CLK1: variants seen among roughly 807,000 people sequenced by gnomAD.
The protein encoded by CLK1 is dual specificity protein kinase CLK1.
In CLK1, 40 loss-of-function variants were observed where a neutral mutation model predicts 60.9. The ratio of observed to expected loss-of-function variants is 0.66; its 90% CI spans 0.51 to 0.86. CLK1 has a LOEUF of 0.86. Among genes scored for constraint, CLK1 ranks in the 40% least tolerant of loss-of-function variants. The probability of loss-of-function intolerance (pLI) is 0.00; values close to 1 mark genes in which losing one functional copy is unlikely to be tolerated. For synonymous variants in CLK1, 203 were observed against 184.4 expected (o/e 1.10, Z -0.82); for missense variants, 563 against 606.1 (o/e 0.93, Z 0.75).
In CLK1 at chr2:200,857,958, T is replaced by C. The variant is rs768075798; in HGVS notation, c.665+15A>G. ...ATACCTGATACCACTTCCCAAGTTCTAATCTGATACTTACAAAGTACTGTT... is the reference window on the plus strand; with the variant it reads ...ATACCTGATACCACTTCCCAAGTTCCAATCTGATACTTACAAAGTACTGTT... On this transcript the variant is annotated intron_variant, in intron 6 of 12. Coordinates refer to ENST00000321356, the MANE Select transcript of CLK1 (RefSeq NM_004071.4). 11 of 1,612,372 alleles carry C rather than the reference T, an allele frequency of 6.8e-6. No homozygotes were observed. The highest frequency in any genetic ancestry group is 1.6e-4 in the Middle Eastern group (1 of 6,084).
chr2:200,862,572 CCG>C (rs1559329193), intron 1 of CLK1, among the ~76,000 whole-genome samples: 1 of 152,230 alleles, frequency 6.6e-6, no homozygotes, highest in Non-Finnish European at 1.5e-5. Context: ...CCACCCTTTG[CCG>C]ACTCCTTTTT....
intron 9 of CLK1, among the ~76,000 whole-genome samples, chr2:200,855,316 G>A (rs1268344693): frequency 6.6e-6 from 1 of 151,342 alleles, no homozygotes; most frequent in Non-Finnish European, 1.5e-5. Context: ...CCTCTATTAA[G>A]ATATATATAT....
intron 9 of CLK1, 115 bp downstream of exon 9, chr2:200,856,567 C>T (rs999910850): frequency 1.3e-6 from 1 of 794,704 alleles, no homozygotes; most frequent in Non-Finnish European, 2.0e-6. Context: ...CTTCATGATA[C>T]TTATCCCTTA....
intron 3 of CLK1, 41 bp from the exon 4 acceptor site, chr2:200,860,256 A>C: frequency 6.2e-7 from 1 of 1,613,614 alleles, no homozygotes; most frequent in Non-Finnish European, 8.5e-7. Context: ...CATCCAGCCA[A>C]TCAATATACC....
chr2:200,855,543 T>C (rs1309459526), intron 9 of CLK1, among the ~76,000 whole-genome samples: 2 of 151,590 alleles, frequency 1.3e-5, no homozygotes, highest in African/African-American at 2.4e-5. Flanking sequence ...GACAATGGAG[T>C]GAACCCCATA....
chr2:200,864,402 A>G, intron 1 of CLK1, 162 bp downstream of exon 1: 2 of 828,726 alleles, frequency 2.4e-6, no homozygotes, highest in Non-Finnish European at 3.5e-6. Context: ...CGCAGGAAAG[A>G]GGGGCGCGCC....
At chr2:200,860,672 T>TA in intron 3 of CLK1, 1 of 996,238 alleles carries the variant, frequency 1.0e-6, no homozygotes, top group Non-Finnish European at 1.2e-6. Context: ...TAAATAAAAT[T>TA]AAAGTGCTAA....
chr2:200,856,855 G>T, intron 8 of CLK1, 36 bp downstream of exon 8: 1 of 1,613,646 alleles, frequency 6.2e-7, no homozygotes. Flanking sequence ...AGCTATTAAG[G>T]CATAAGATAC....
intron 4 of CLK1, 57 bp downstream of exon 4, chr2:200,860,068 T>C (rs2039110954): frequency 6.3e-7 from 1 of 1,586,738 alleles, no homozygotes; most frequent in African/African-American, 1.4e-5. Flanking sequence ...GAAAGCTTAA[T>C]CTATATATAG....
At chr2:200,861,036 A>C in intron 3 of CLK1, 1 of 1,366,240 alleles carries the variant, frequency 7.3e-7, no homozygotes, top group East Asian at 2.7e-5. Flanking sequence ...TTAGGAGCCA[A>C]CCAATAATTA....
At chr2:200,853,791 G>T (rs2038991370) in intron 12 of CLK1, 112 bp downstream of exon 12, 1 of 733,878 alleles carries the variant, frequency 1.4e-6, no homozygotes, top group Non-Finnish European at 2.2e-6. Context: ...AGTGAGCTGG[G>T]CCAACATCGT....
rs1480469406 is a variant in CLK1 at position 200,853,259 on chromosome 2, T to G, written c.*47A>C. ...ATAACTTAAAATTTAAAAATTAGAC[T>G]GATACAGTCTGTAAGATCTCTTCGA... On this transcript the variant is annotated 3_prime_UTR_variant, in exon 13 of 13. Coordinates refer to ENST00000321356, the MANE Select transcript of CLK1 (RefSeq NM_004071.4). The G allele has an allele frequency of 1.4e-6, 2 of 1,405,144 alleles. No homozygotes were observed. The highest frequency in any genetic ancestry group is 1.9e-6 in the Non-Finnish European group (2 of 1,039,860). 87.0% of individuals were successfully genotyped at this position (1,405,144 alleles called of 1,614,324 possible).
intron 1 of CLK1, chr2:200,863,094 T>C (rs1412339935): frequency 6.6e-6 from 1 of 152,164 alleles, no homozygotes; most frequent in African/African-American, 2.4e-5. Flanking sequence ...CTTCATCAAC[T>C]GCCGTTCTTT....
intron 4 of CLK1, 117 bp downstream of exon 4, chr2:200,860,005 GAAA>G (rs2039109242): frequency 6.9e-7 from 1 of 1,451,202 alleles, no homozygotes; most frequent in East Asian, 2.5e-5. Context: ...AAAAGAAATG[GAAA>G]AATAAAACAA....
chr2:200,858,461 C>G (rs2039080438), intron 5 of CLK1, among the ~76,000 whole-genome samples: 1 of 152,126 alleles, frequency 6.6e-6, no homozygotes, highest in Non-Finnish European at 1.5e-5. Flanking sequence ...CTTTGGGAGG[C>G]CGAGGGTAGT....
chr2:200,862,203 G>A (rs1175939734), intron 1 of CLK1, among the ~76,000 whole-genome samples: 1 of 151,876 alleles, frequency 6.6e-6, no homozygotes, highest in Non-Finnish European at 1.5e-5. Flanking sequence ...TAGCACTATA[G>A]AAGTCCACGC....
At chr2:200,857,672 G>A in intron 7 of CLK1, 46 bp downstream of exon 7, 1 of 1,486,146 alleles carries the variant, frequency 6.7e-7, no homozygotes, top group Non-Finnish European at 9.1e-7. Context: ...TTGATATGTG[G>A]AATGGATAAA....
intron 4 of CLK1, 37 bp downstream of exon 4, chr2:200,860,088 T>C: frequency 1.2e-6 from 2 of 1,603,366 alleles, no homozygotes; most frequent in Non-Finnish European, 1.7e-6. Context: ...GATTATGTTA[T>C]CTGAAAAGTT....
chr2:200,861,760 G>A lies in CLK1; in HGVS notation c.103C>T (p.His35Tyr), dbSNP rs749749339. The change falls in exon 2 of 13, where the codon CAT becomes TAT. Residue 35 changes from histidine to tyrosine, a missense_variant. By Grantham distance (83) the His-to-Tyr change is moderately conservative (BLOSUM62 2). Transcript: ENST00000321356. ...SSSHKRRKRS[H>Y]SSAQENKRCK... Reference sequence around the variant, plus strand: ...CGCTTGTTCTCCTGGGCACTGCTATGTGATCTCTTCCTTCTTTTATGACTG... The same window carrying A: ...CGCTTGTTCTCCTGGGCACTGCTATATGATCTCTTCCTTCTTTTATGACTG... 1.2e-6 allele frequency: 2 copies of A among 1,614,092 alleles called. No individual in the cohort carries two copies. The highest frequency in any genetic ancestry group is 1.7e-5 in the Admixed American group (1 of 60,020).
Sources: allele counts gnomAD v4.1 joint callset (sites outside exome capture counted in the v4.1 genomes callset), GRCh38; gene constraint gnomAD v4.1.1; transcripts MANE v1.5; gene names NCBI Gene and HGNC (gene_info 2026-07-23, HGNC 2026-07-21).